ZNF177: variants seen among roughly 807,000 people sequenced by gnomAD.
The protein encoded by ZNF177 is zinc finger protein 177.
ZNF177 carries 17 observed loss-of-function variants against 19.4 expected under a neutral mutation model. That is an observed-to-expected ratio of 0.87 (90% CI 0.60 to 1.31). The LOEUF is 1.31. Ranked by LOEUF, ZNF177 falls within the 40% of genes most tolerant of loss-of-function variation. The pLI is 0.00. For synonymous variants in ZNF177, 220 were observed against 188.7 expected (o/e 1.17, Z -1.36); for missense variants, 633 against 561.8 (o/e 1.13, Z -1.28).
chr19:9,370,669 G>T (rs114209026), intron 2 of ZNF177, among the ~76,000 whole-genome samples: 3,561 of 152,176 alleles, frequency 0.023, 92 homozygotes, highest in African/African-American at 0.073. Context: ...GCATCCTCCT[G>T]CCCCAGCTTT....
rs377398946 is a variant in ZNF177, at chr19:9,381,368, G to C, written c.1037G>C (p.Gly346Ala). 34 of 1,611,630 alleles carry C rather than the reference G, an allele frequency of 2.1e-5. 1 individual carries two copies. The highest frequency in any genetic ancestry group is 1.7e-4 in the Middle Eastern group (1 of 6,056). ...AAACCCTATGACTGTAAGGAATGTG[G>C]GAAGGCTTTCACTGTTCCTTCATCC... Residue 346 changes from glycine to alanine, a missense_variant, in exon 6 of 6, where the codon GGG (glycine) becomes GCG (alanine). Transcript: ENST00000589262.
At chr19:9,376,024 C>G (rs147242468), upstream of ZNF177, among the ~76,000 whole-genome samples, 2 of 152,122 alleles carry the variant, frequency 1.3e-5, no homozygotes, top group Non-Finnish European at 2.9e-5. Context: ...TTTTTACTTT[C>G]GGGCTACATG....
chr19:9,364,401 C>T (rs1396399813), intron 1 of ZNF177, among the ~76,000 whole-genome samples: 1 of 152,096 alleles, frequency 6.6e-6, no homozygotes, highest in Non-Finnish European at 1.5e-5. Context: ...ATGGAAGGTC[C>T]TGACAGAGGT....
chr19:9,377,480 CT>C, intron 1 of ZNF177, among the ~76,000 whole-genome samples: 1 of 152,280 alleles, frequency 6.6e-6, no homozygotes, highest in Non-Finnish European at 1.5e-5. Flanking sequence ...GTTATTGCCC[CT>C]GAATACCTTA....
intron 1 of ZNF177, among the ~76,000 whole-genome samples, chr19:9,376,905 G>A (rs1207877887): frequency 2.0e-5 from 3 of 152,054 alleles, no homozygotes; most frequent in Non-Finnish European, 4.4e-5. Flanking sequence ...GTTACTAAGT[G>A]TCCTTTCTTT....
chr19:9,382,118 C>G (rs755956362), exon 6 of ZNF177: 11 of 398,802 alleles, frequency 2.8e-5, no homozygotes, highest in Admixed American at 4.0e-5. Context: ...CTGTGGCAGA[C>G]AGAACTAGTT....
At position 9,379,749 on chromosome 19, in the gene ZNF177, A is replaced by G. The variant is rs116664178; in HGVS notation, c.253+130A>G. 1.2e-3 allele frequency: 1,335 copies of G among 1,146,746 alleles called. 12 individuals are homozygous for G. The African/African-American group carries it at 0.018, about 15-fold the overall frequency. The allele number at this position is 1,146,746 out of a possible 1,614,324, so 71.0% of individuals were successfully genotyped here. Reference sequence around the variant, plus strand: ...TCCTTCCTGTTTCACCATCTATTCAATCGTTCATACGTTCATTTGGTCTCC... The same window carrying G: ...TCCTTCCTGTTTCACCATCTATTCAGTCGTTCATACGTTCATTTGGTCTCC... On this transcript the variant is annotated intron_variant, in intron 4 of 5. Transcript: ENST00000589262.
intron 1 of ZNF177, among the ~76,000 whole-genome samples, chr19:9,364,000 CATAAA>C (rs2067943284): frequency 2.0e-5 from 3 of 152,152 alleles, no homozygotes; most frequent in African/African-American, 7.2e-5. Flanking sequence ...GCTTTATTGA[CATAAA>C]ATCATATATT....
chr19:9,376,606 C>T (rs1599391542), intron 1 of ZNF177, among the ~76,000 whole-genome samples, 183 bp downstream of exon 3: 2 of 152,146 alleles, frequency 1.3e-5, no homozygotes, highest in Non-Finnish European at 2.9e-5. Flanking sequence ...AAGCTTAAAA[C>T]ATCCTGTAGT....
At chr19:9,381,923 T>G in exon 6 of ZNF177, 1 of 1,221,490 alleles carries the variant, frequency 8.2e-7, no homozygotes, top group Non-Finnish European at 1.1e-6. Flanking sequence ...ACCTTATAAA[T>G]GTTATAGCTA....
intron 1 of ZNF177, among the ~76,000 whole-genome samples, chr19:9,364,179 G>GT (rs992444198): frequency 1.3e-5 from 2 of 152,114 alleles, no homozygotes; most frequent in East Asian, 1.9e-4. Context: ...CTATTCTTGA[G>GT]TTTTTTTATG....
At chr19:9,381,963 C>A (rs1011090337) in exon 6 of ZNF177, 30 of 857,176 alleles carry the variant, frequency 3.5e-5, no homozygotes, top group Non-Finnish European at 4.8e-5. Context: ...GTATTTCATT[C>A]TTATATGTGT....
upstream of ZNF177, among the ~76,000 whole-genome samples, chr19:9,375,512 C>T (rs1161302339): frequency 6.6e-6 from 1 of 152,240 alleles, no homozygotes; most frequent in East Asian, 1.9e-4. Flanking sequence ...TCTCCTTACT[C>T]ATTATTGATC....
chr19:9,373,606 T>C (rs1366444437), upstream of ZNF177, among the ~76,000 whole-genome samples: 3 of 152,182 alleles, frequency 2.0e-5, no homozygotes, highest in African/African-American at 7.2e-5. Context: ...CCAACACTTG[T>C]TATCCTTTGA....
exon 6 of ZNF177, chr19:9,381,433 T>A (rs1382687835): frequency 1.2e-6 from 2 of 1,611,410 alleles, no homozygotes; most frequent in African/African-American, 2.7e-5. Flanking sequence ...AGAGAAACCC[T>A]ATGAATGCAG....
upstream of ZNF177, among the ~76,000 whole-genome samples, chr19:9,373,584 C>T (rs1418833902): frequency 6.6e-6 from 1 of 152,148 alleles, no homozygotes; most frequent in Non-Finnish European, 1.5e-5. Context: ...TAAGGGTTCC[C>T]TTTCTCCACA....
intron 2 of ZNF177, among the ~76,000 whole-genome samples, chr19:9,368,462 CTT>C (rs2068007770): frequency 6.6e-6 from 1 of 151,994 alleles, no homozygotes. Flanking sequence ...TGTTTTTCTC[CTT>C]TTGTCTTTGA....
intron 2 of ZNF177, among the ~76,000 whole-genome samples, chr19:9,370,388 G>T (rs566777857): frequency 8.0e-5 from 12 of 150,482 alleles, no homozygotes; most frequent in Admixed American, 2.0e-4. Flanking sequence ...TACAATAAGT[G>T]TTATGTAAGT....
intron 1 of ZNF177, among the ~76,000 whole-genome samples, chr19:9,363,889 C>T (rs972888886): frequency 1.3e-5 from 2 of 152,212 alleles, no homozygotes; most frequent in Non-Finnish European, 2.9e-5. Context: ...AGGAGCAATC[C>T]TTGCTGCCTT....
Sources: gnomAD v4.1 joint callset for allele counts (sites outside exome capture counted in the v4.1 genomes callset) on GRCh38, gnomAD v4.1.1 for gene constraint, MANE v1.5 for transcripts, NCBI Gene and HGNC (gene_info 2026-07-23, HGNC 2026-07-21) for gene names.